The following SS18L2 variants were observed in gnomAD, a reference collection of about 807,000 sequenced individuals.
The protein encoded by SS18L2 is SS18-like protein 2.
In SS18L2, 8 loss-of-function variants were observed where a neutral mutation model predicts 10.3. That is an observed-to-expected ratio of 0.78 (90% CI 0.46 to 1.41). The LOEUF is 1.41. SS18L2 is among the 40% of genes most tolerant of loss of function. The pLI, the probability that SS18L2 is intolerant of heterozygous loss-of-function variation, is 0.00. For synonymous variants in SS18L2, 41 were observed against 34.6 expected (o/e 1.19, Z -0.65); for missense variants, 100 against 96.2 (o/e 1.04, Z -0.17).
chr3:42,593,638 A>G (rs1186947763), intron 2 of SS18L2, among the ~76,000 whole-genome samples: 1 of 152,084 alleles, frequency 6.6e-6, no homozygotes, highest in Non-Finnish European at 1.5e-5. Context: ...CCATAGTAAA[A>G]CAGATACCAG....
At chr3:42,591,003 A>T (rs1326009278) in intron 1 of SS18L2, 37 bp downstream of exon 1, 1 of 1,556,344 alleles carries the variant, frequency 6.4e-7, no homozygotes, top group Non-Finnish European at 8.7e-7. Context: ...GGGCGGAGAG[A>T]AGTCGGGATC....
At chr3:42,585,346 C>T (rs961154330) in intron 1 of SS18L2, among the ~76,000 whole-genome samples, 1 of 152,318 alleles carries the variant, frequency 6.6e-6, no homozygotes, top group East Asian at 1.9e-4. Context: ...GCTCCAGGTT[C>T]ACAGTCAACT....
chr3:42,586,289 T>C (rs1481369919), upstream of SS18L2, among the ~76,000 whole-genome samples: 2 of 152,164 alleles, frequency 1.3e-5, no homozygotes, highest in Admixed American at 6.5e-5. Context: ...GCAATGGCAC[T>C]GAGGCTTACT....
intron 2 of SS18L2, 51 bp from the exon 3 acceptor site, chr3:42,594,371 C>T (rs1359824868): frequency 4.1e-6 from 6 of 1,452,832 alleles, no homozygotes; most frequent in South Asian, 1.2e-5. Flanking sequence ...GTTTTTTGTT[C>T]ATGGTCGGTA....
At chr3:42,589,477 G>C (rs554678571), upstream of SS18L2, among the ~76,000 whole-genome samples, 1 of 152,232 alleles carries the variant, frequency 6.6e-6, no homozygotes, top group South Asian at 2.1e-4. Context: ...GCTCACTCCA[G>C]GGAAAACGAA....
intron 1 of SS18L2, among the ~76,000 whole-genome samples, chr3:42,584,950 A>C (rs540386512): frequency 1.3e-5 from 2 of 152,140 alleles, no homozygotes; most frequent in Non-Finnish European, 2.9e-5. Context: ...AACATGGCAA[A>C]ACCCCGTCTC....
chr3:42,594,653 C>T lies in SS18L2; in HGVS notation c.*144C>T, dbSNP rs926492581. On this transcript the variant is annotated 3_prime_UTR_variant, in exon 3 of 3. Transcript: ENST00000011691. ...TGAAACCTCTGTGGCTCTTTCGAAA[C>T]GTGAAAATGTGAAGAAAGCTACTAA... The T allele has an allele frequency of 6.3e-5, 38 of 603,860 alleles. No individual in the cohort carries two copies. The highest frequency in any genetic ancestry group is 5.4e-4 in the South Asian group (22 of 40,398). The allele number at this position is 603,860 out of a possible 1,614,324, so 37.4% of individuals were successfully genotyped here.
upstream of SS18L2, among the ~76,000 whole-genome samples, chr3:42,589,350 A>G (rs1704733422): frequency 6.6e-6 from 1 of 152,202 alleles, no homozygotes; most frequent in African/African-American, 2.4e-5. Context: ...AAAGCCCAGT[A>G]AAGCAGATGA....
chr3:42,585,898 C>T (rs977079685), upstream of SS18L2, among the ~76,000 whole-genome samples: 7 of 152,110 alleles, frequency 4.6e-5, no homozygotes, highest in African/African-American at 1.7e-4. Context: ...CCAAAATCAA[C>T]TTCCAAATAT....
upstream of SS18L2, among the ~76,000 whole-genome samples, chr3:42,590,466 T>C (rs184103435): frequency 9.4e-4 from 143 of 152,000 alleles, 4 homozygotes; most frequent in East Asian, 0.021. Context: ...CCGTCTCTAC[T>C]AATACAAAAA....
chr3:42,586,424 T>C (rs546446723), upstream of SS18L2, among the ~76,000 whole-genome samples: 5 of 152,218 alleles, frequency 3.3e-5, no homozygotes, highest in African/African-American at 4.8e-5. Flanking sequence ...GGTTTCAACA[T>C]GTTAGCCAGG....
At chr3:42,581,934 C>T (rs1704397739) in exon 1 of SS18L2, 2 of 152,374 alleles carry the variant, frequency 1.3e-5, no homozygotes. Context: ...GGGCTCGGCC[C>T]AGGTCACCGG....
chr3:42,592,172 A>C (rs1704873481), intron 2 of SS18L2, among the ~76,000 whole-genome samples: 1 of 152,176 alleles, frequency 6.6e-6, no homozygotes, highest in African/African-American at 2.4e-5. Context: ...TTCCGAATCT[A>C]GTCCAGGTAT....
upstream of SS18L2, among the ~76,000 whole-genome samples, chr3:42,590,401 C>T (rs1024402484): frequency 5.3e-5 from 8 of 152,220 alleles, no homozygotes; most frequent in Non-Finnish European, 8.8e-5. Context: ...GAGGCCGAGG[C>T]GGGCGGATCA....
In SS18L2 at chr3:42,595,465, T is replaced by C. The variant is rs1360038594; in HGVS notation, c.*956T>C. ...CATGTTCTAATATTTTTAGCAGGAA[T>C]ATATTAGAAGGTGATAAGTACTTGC... On this transcript the variant is annotated 3_prime_UTR_variant, in exon 3 of 3. Coordinates refer to ENST00000011691, the MANE Select transcript of SS18L2 (RefSeq NM_001370300.1). Among the ~76,000 whole-genome samples the C allele has an allele frequency of 6.6e-6, 1 of 152,220 alleles. No homozygotes were observed.
intron 1 of SS18L2, among the ~76,000 whole-genome samples, chr3:42,584,841 T>C (rs1227393141): frequency 6.6e-6 from 1 of 152,076 alleles, no homozygotes; most frequent in African/African-American, 2.4e-5. Flanking sequence ...GCTCTTCAAA[T>C]ATGGGGAATT....
chr3:42,586,608 C>T (rs915042081), upstream of SS18L2, among the ~76,000 whole-genome samples: 9 of 149,736 alleles, frequency 6.0e-5, no homozygotes, highest in Admixed American at 2.7e-4. Flanking sequence ...AAAGCCATAA[C>T]CCCCACTCTC....
chr3:42,596,404 A>G lies in SS18L2; in HGVS notation c.*1895A>G, dbSNP rs954991908. 1.3e-5 allele frequency among the ~76,000 whole-genome samples: 2 copies of G among 152,178 alleles called. No homozygotes were observed. Among genetic ancestry groups the G allele is most frequent in the East Asian group, 1.9e-4 (1 of 5,196 alleles). ...GGTTTTCCAGAGTCCTATCCCCTGA[A>G]GTTCTAATTGCTGGCATAATCACAC... On this transcript the variant is annotated 3_prime_UTR_variant, in exon 3 of 3. Transcript: ENST00000011691.
At chr3:42,590,617 T>G, upstream of SS18L2, among the ~76,000 whole-genome samples, 1 of 148,570 alleles carries the variant, frequency 6.7e-6, no homozygotes, top group East Asian at 2.0e-4. Flanking sequence ...AGCCTAACAC[T>G]GGAGGTGCTG....
Sources: allele counts gnomAD v4.1 joint callset (sites outside exome capture counted in the v4.1 genomes callset), GRCh38; gene constraint gnomAD v4.1.1; transcripts MANE v1.5; gene names NCBI Gene and HGNC (gene_info 2026-07-23, HGNC 2026-07-21).